Variants in LRP1B observed in about 807,000 individuals in gnomAD.
LRP1B encodes the protein low-density lipoprotein receptor-related protein 1B.
LRP1B carries 217 observed loss-of-function variants against 556.6 expected under a neutral mutation model. The observed-to-expected ratio is 0.39, with a 90% CI of 0.35 to 0.44. The LOEUF is 0.44. Ranked by LOEUF, LRP1B falls within the 20% of genes least tolerant of loss-of-function variation. The probability of loss-of-function intolerance (pLI) is 1.00; values close to 1 mark genes in which losing one functional copy is unlikely to be tolerated. For missense variants in LRP1B, 5,053 were observed against 5,620.8 expected (o/e 0.90, Z 3.23); for synonymous variants, 2,047 against 1,865.8 (o/e 1.10, Z -2.50).
chr2:140,903,506 C>T (rs908207915), intron 22 of LRP1B, among the ~76,000 whole-genome samples: 2 of 151,876 alleles, frequency 1.3e-5, no homozygotes, highest in Non-Finnish European at 2.9e-5. Context: ...AGCAGTGGTG[C>T]AAAATAATTT....
chr2:141,519,122 A>G (rs1220733595), intron 2 of LRP1B, among the ~76,000 whole-genome samples: 1 of 151,956 alleles, frequency 6.6e-6, no homozygotes, highest in Non-Finnish European at 1.5e-5. Context: ...GCTGTGAGAG[A>G]AAACCAAAGA....
chr2:140,495,789 T>C (rs1378969754), intron 55 of LRP1B, 41 bp from the exon 56 acceptor site: 3 of 1,511,812 alleles, frequency 2.0e-6, no homozygotes, highest in Non-Finnish European at 2.7e-6. Flanking sequence ...CATATCATTG[T>C]CACTGTCTTT....
chr2:140,611,478 T>A (rs1683069933), intron 41 of LRP1B, among the ~76,000 whole-genome samples: 1 of 152,114 alleles, frequency 6.6e-6, no homozygotes, highest in Admixed American at 6.6e-5. Context: ...AAAAGTGATT[T>A]TTTTAAAAAG....
At chr2:141,131,407 T>TTATATA (rs67661603) in intron 7 of LRP1B, among the ~76,000 whole-genome samples, 6,666 of 110,618 alleles carry the variant, frequency 0.06, 342 homozygotes, top group South Asian at 0.12. Context: ...ATGCATAAAG[T>TTATATA]TATATATATA....
intron 1 of LRP1B, among the ~76,000 whole-genome samples, chr2:141,915,494 T>C (rs920712926): frequency 6.6e-6 from 1 of 152,100 alleles, no homozygotes; most frequent in Non-Finnish European, 1.5e-5. Flanking sequence ...GAAGAAAACC[T>C]GGGAAATACC....
chr2:140,838,535 T>G (rs2105091910), intron 31 of LRP1B, among the ~76,000 whole-genome samples: 1 of 152,316 alleles, frequency 6.6e-6, no homozygotes, highest in East Asian at 1.9e-4. Context: ...ATCTTAGTGA[T>G]ACTACACCTT....
chr2:141,007,026 C>G (rs1024069453), intron 14 of LRP1B, among the ~76,000 whole-genome samples: 2 of 151,840 alleles, frequency 1.3e-5, no homozygotes, highest in Non-Finnish European at 2.9e-5. Context: ...TCATATTACT[C>G]TATGTTGCAG....
intron 25 of LRP1B, among the ~76,000 whole-genome samples, chr2:140,873,073 T>C (rs1693190158): frequency 6.6e-6 from 1 of 152,106 alleles, no homozygotes; most frequent in Middle Eastern, 3.2e-3. Context: ...GTAAAATCTT[T>C]AATAAATAAG....
Position 141,206,296 on chromosome 2 carries a change from G to A in LRP1B, c.851-17713C>T, listed in dbSNP as rs888465270. Among the ~76,000 whole-genome samples the A allele has an allele frequency of 4.6e-5, 7 of 151,904 alleles. No individual in the cohort carries two copies. In the East Asian group the frequency reaches 1.4e-3, roughly 29 times the overall value. ...AGGGTAAGGAACTTCTATTAAGAAC[G>A]AATTGCCGGGCGCGGTGGCTCACGC... On this transcript the variant is annotated intron_variant, in intron 6 of 90. Coordinates refer to ENST00000389484, the MANE Select transcript of LRP1B (RefSeq NM_018557.3).
At chr2:140,506,976 T>C (rs1689444774) in intron 52 of LRP1B, 58 bp from the exon 53 acceptor site, 1 of 1,526,422 alleles carries the variant, frequency 6.6e-7, no homozygotes, top group African/African-American at 1.4e-5. Flanking sequence ...TCTTCCCCTA[T>C]ATTAGGAGCT....
At chr2:141,755,703 A>G (rs1694295354) in intron 2 of LRP1B, among the ~76,000 whole-genome samples, 1 of 152,084 alleles carries the variant, frequency 6.6e-6, no homozygotes, top group Admixed American at 6.5e-5. Flanking sequence ...AGGATGTTGT[A>G]CAAGAATGTT....
intron 12 of LRP1B, among the ~76,000 whole-genome samples, chr2:141,017,903 G>A (rs543452231): frequency 6.6e-6 from 1 of 151,742 alleles, no homozygotes; most frequent in African/African-American, 2.4e-5. Flanking sequence ...AAGCTGAGGT[G>A]GGAGAATCGA....
chr2:141,800,627 C>T (rs1695978516), intron 2 of LRP1B, among the ~76,000 whole-genome samples: 2 of 152,188 alleles, frequency 1.3e-5, no homozygotes, highest in South Asian at 4.1e-4. Flanking sequence ...TCCATGTAAC[C>T]TTCACAGCAC....
chr2:140,930,448 GA>G (rs982313126), intron 20 of LRP1B, among the ~76,000 whole-genome samples: 13 of 151,308 alleles, frequency 8.6e-5, no homozygotes, highest in South Asian at 2.1e-4. Flanking sequence ...TACAGTGACA[GA>G]AAAAAAACTG....
chr2:140,725,018 A>G (rs1382879851), intron 35 of LRP1B, among the ~76,000 whole-genome samples: 1 of 152,180 alleles, frequency 6.6e-6, no homozygotes, highest in Non-Finnish European at 1.5e-5. Context: ...CCACATTTAC[A>G]AAAACTGCCT....
intron 2 of LRP1B, among the ~76,000 whole-genome samples, chr2:141,501,494 G>A (rs1683709242): frequency 6.6e-6 from 1 of 152,056 alleles, no homozygotes; most frequent in Non-Finnish European, 1.5e-5. Flanking sequence ...ACTGATTCTG[G>A]CTTATACTAC....
chr2:141,400,294 A>C (rs950572005), intron 3 of LRP1B, among the ~76,000 whole-genome samples: 3 of 152,176 alleles, frequency 2.0e-5, no homozygotes, highest in African/African-American at 4.8e-5. Flanking sequence ...TAGCTTTATA[A>C]ATCCTCACAT....
At chr2:141,731,639 G>A (rs969818389) in intron 2 of LRP1B, among the ~76,000 whole-genome samples, 6 of 152,088 alleles carry the variant, frequency 3.9e-5, no homozygotes, top group African/African-American at 1.4e-4. Flanking sequence ...AGCCTTTCCA[G>A]CATTACATTC....
At chr2:140,693,441 C>T (rs987585708) in intron 41 of LRP1B, among the ~76,000 whole-genome samples, 1 of 151,870 alleles carries the variant, frequency 6.6e-6, no homozygotes. Context: ...CCTCAGCCTT[C>T]GAAGGATCTA....
Sources: allele counts gnomAD v4.1 joint callset (sites outside exome capture counted in the v4.1 genomes callset), GRCh38; gene constraint gnomAD v4.1.1; transcripts MANE v1.5; gene names NCBI Gene and HGNC (gene_info 2026-07-23, HGNC 2026-07-21).